The following ITPR1 variants were observed in gnomAD, a reference collection of about 807,000 sequenced individuals.
ITPR1 encodes the protein inositol 1,4,5-trisphosphate-gated calcium channel ITPR1.
Under a neutral mutation model 318.4 loss-of-function variants are expected in ITPR1, and 96 were observed. The ratio of observed to expected loss-of-function variants is 0.30; its 90% CI spans 0.26 to 0.36. The LOEUF is 0.36. Among genes scored for constraint, ITPR1 ranks in the 10% least tolerant of loss-of-function variants. The probability of loss-of-function intolerance (pLI) is 1.00; values close to 1 mark genes in which losing one functional copy is unlikely to be tolerated. For synonymous variants in ITPR1, 1,312 were observed against 1,289.9 expected, an observed-to-expected ratio of 1.02 and a Z score of -0.37; for missense variants, 2,440 against 3,460.2, an observed-to-expected ratio of 0.71 and a Z score of 7.40.
intron 26 of ITPR1, 84 bp from the exon 27 acceptor site, chr3:4,683,302 T>A: frequency 7.4e-7 from 1 of 1,352,654 alleles, no homozygotes; most frequent in South Asian, 1.2e-5. Flanking sequence ...GAAATGCAAC[T>A]AGGTTAGGTG....
At chr3:4,691,569 G>T (rs1343691396) in intron 32 of ITPR1, among the ~76,000 whole-genome samples, 1 of 152,168 alleles carries the variant, frequency 6.6e-6, no homozygotes, top group Non-Finnish European at 1.5e-5. Context: ...AGGAAGGATG[G>T]CTTGGATTTT....
chr3:4,583,516 C>G (rs569910226), intron 4 of ITPR1, among the ~76,000 whole-genome samples: 1 of 152,248 alleles, frequency 6.6e-6, no homozygotes, highest in Non-Finnish European at 1.5e-5. Flanking sequence ...TTTGTAGTTT[C>G]TCAGCATTTT....
rs75548779 is a variant in ITPR1 at position 4,721,143 on chromosome 3, T to C, written c.5136+3744T>C. Among the ~76,000 whole-genome samples the C allele has an allele frequency of 8.5e-5, 12 of 140,746 alleles. No individual in the cohort carries two copies. In the East Asian group the frequency reaches 2.5e-3, roughly 29 times the overall value. 92.3% of individuals were successfully genotyped at this position (140,746 alleles called of 152,430 possible). A position where few individuals can be genotyped will look rare whatever the true frequency, so the allele number is the denominator to read the frequency against. Reference sequence around the variant, plus strand: ...ATATATATTTATATATATTTATATATGTCTGTGTGTAGATACGTGTGTGTG... The same window carrying C: ...ATATATATTTATATATATTTATATACGTCTGTGTGTAGATACGTGTGTGTG... On this transcript the variant is annotated intron_variant, in intron 40 of 61. Transcript: ENST00000649015.
chr3:4,543,889 C>CT (rs2084712630), intron 4 of ITPR1, among the ~76,000 whole-genome samples: 1 of 152,188 alleles, frequency 6.6e-6, no homozygotes, highest in Non-Finnish European at 1.5e-5. Flanking sequence ...AAAATCGTGT[C>CT]TTTTTGCTCC....
chr3:4,667,602 G>A, intron 18 of ITPR1, 53 bp downstream of exon 18: 1 of 1,530,312 alleles, frequency 6.5e-7, no homozygotes, highest in East Asian at 2.3e-5. Flanking sequence ...GTAAGATGCA[G>A]GGACTTAGCT....
At chr3:4,588,259 C>T (rs1242891599) in intron 4 of ITPR1, among the ~76,000 whole-genome samples, 1 of 152,116 alleles carries the variant, frequency 6.6e-6, no homozygotes, top group East Asian at 1.9e-4. Context: ...CTTCCTGACC[C>T]TAGAGCTAGC....
intron 4 of ITPR1, among the ~76,000 whole-genome samples, chr3:4,593,605 A>G (rs905912409): frequency 3.9e-4 from 59 of 152,236 alleles, no homozygotes; most frequent in Admixed American, 3.9e-3. Context: ...TTCAGATGCT[A>G]ATGCCTTGGG....
At chr3:4,729,174 G>C (rs143811895) in intron 42 of ITPR1, among the ~76,000 whole-genome samples, 1 of 152,254 alleles carries the variant, frequency 6.6e-6, no homozygotes, top group East Asian at 1.9e-4. Context: ...TTCAAGTTTT[G>C]GGGTTTTCTT....
chr3:4,640,468 C>T (rs1467504195), intron 6 of ITPR1, among the ~76,000 whole-genome samples: 2 of 152,184 alleles, frequency 1.3e-5, no homozygotes, highest in Non-Finnish European at 2.9e-5. Flanking sequence ...AGAATGGACA[C>T]AGGTGTCCAG....
intron 4 of ITPR1, among the ~76,000 whole-genome samples, chr3:4,574,426 A>C (rs1447060232): frequency 6.6e-6 from 1 of 152,226 alleles, no homozygotes; most frequent in Admixed American, 6.5e-5. Context: ...TTCCTCCTGC[A>C]GGGGAGATGG....
intron 37 of ITPR1, among the ~76,000 whole-genome samples, chr3:4,707,808 A>G (rs1436960917): frequency 6.6e-6 from 1 of 152,162 alleles, no homozygotes; most frequent in East Asian, 1.9e-4. Flanking sequence ...TATGATTGTA[A>G]TAGTTACTGA....
chr3:4,540,236 T>C (rs1407849035), intron 4 of ITPR1, among the ~76,000 whole-genome samples: 2 of 152,126 alleles, frequency 1.3e-5, no homozygotes, highest in Non-Finnish European at 1.5e-5. Context: ...TATCATTATG[T>C]AAGAAACATT....
chr3:4,657,445 A>T (rs1275035932), intron 12 of ITPR1, among the ~76,000 whole-genome samples: 1 of 135,262 alleles, frequency 7.4e-6, no homozygotes, highest in East Asian at 2.1e-4. Flanking sequence ...GTCATCTCTT[A>T]GTGTAACTGC....
At chr3:4,778,337 C>G (rs1295933110) in intron 48 of ITPR1, among the ~76,000 whole-genome samples, 1 of 152,222 alleles carries the variant, frequency 6.6e-6, no homozygotes, top group Non-Finnish European at 1.5e-5. Context: ...TGTCCTCTAT[C>G]TGCCCATCCG....
chr3:4,809,879 A>C (rs960135302), intron 55 of ITPR1, among the ~76,000 whole-genome samples: 1 of 152,212 alleles, frequency 6.6e-6, no homozygotes, highest in African/African-American at 2.4e-5. Context: ...CAACATTAAC[A>C]GCAACACTTT....
At chr3:4,757,580 C>T (rs573576239) in intron 44 of ITPR1, among the ~76,000 whole-genome samples, 19 of 152,018 alleles carry the variant, frequency 1.2e-4, no homozygotes, top group Non-Finnish European at 4.4e-5. Flanking sequence ...AGGGCTGAGG[C>T]GTCGGACAGG....
chr3:4,665,381 T>A, intron 17 of ITPR1, 85 bp downstream of exon 17: 1 of 1,266,340 alleles, frequency 7.9e-7, no homozygotes, highest in Non-Finnish European at 1.1e-6. Context: ...TAGTGTCACA[T>A]GTCTATTTAT....
intron 4 of ITPR1, among the ~76,000 whole-genome samples, chr3:4,602,988 A>G (rs62231563): frequency 0.14 from 20,786 of 152,090 alleles, 1,941 homozygotes; most frequent in East Asian, 0.36. Flanking sequence ...ATTTTGTTGG[A>G]TGTGAACAAT....
chr3:4,616,917 C>A (rs537417430), intron 4 of ITPR1, among the ~76,000 whole-genome samples: 1 of 151,928 alleles, frequency 6.6e-6, no homozygotes, highest in Non-Finnish European at 1.5e-5. Context: ...CATGTGAGTG[C>A]GAGTGTTGCG....
Sources: allele counts gnomAD v4.1 joint callset (sites outside exome capture counted in the v4.1 genomes callset), GRCh38; gene constraint gnomAD v4.1.1; transcripts MANE v1.5; gene names NCBI Gene and HGNC (gene_info 2026-07-23, HGNC 2026-07-21).